Variants in NT5C3A observed in about 807,000 individuals in gnomAD.
NT5C3A encodes the protein 5'-nucleotidase, cytosolic IIIA.
In NT5C3A, 23 loss-of-function variants were observed where a neutral mutation model predicts 40.0. The ratio of observed to expected loss-of-function variants is 0.58; its 90% CI spans 0.41 to 0.81. The LOEUF is 0.81. Among genes scored for constraint, NT5C3A ranks in the 40% least tolerant of loss-of-function variants. The probability of loss-of-function intolerance (pLI) is 0.00; values close to 1 mark genes in which losing one functional copy is unlikely to be tolerated. For synonymous variants in NT5C3A, 130 were observed against 141.4 expected (o/e 0.92, Z 0.57); for missense variants, 328 against 403.0 (o/e 0.81, Z 1.59).
At chr7:33,062,276 A>C (rs987975897) in intron 1 of NT5C3A, among the ~76,000 whole-genome samples, 1 of 152,144 alleles carries the variant, frequency 6.6e-6, no homozygotes, top group South Asian at 2.1e-4. Context: ...CCTGTGTCCG[A>C]TTCATCTATT....
At chr7:33,060,661 C>T (rs922424380) in intron 1 of NT5C3A, among the ~76,000 whole-genome samples, 5 of 152,118 alleles carry the variant, frequency 3.3e-5, no homozygotes, top group Admixed American at 1.3e-4. Context: ...GTAGTTAACT[C>T]CGTTAGCTGT....
chr7:33,017,330 T>G (rs1785388177), intron 7 of NT5C3A, 109 bp downstream of exon 7: 1 of 824,400 alleles, frequency 1.2e-6, no homozygotes, highest in South Asian at 1.8e-5. Context: ...GCCTATCGGC[T>G]TGGCCTAATT....
chr7:33,023,147 A>G (rs1054880793), intron 3 of NT5C3A, among the ~76,000 whole-genome samples: 9 of 152,026 alleles, frequency 5.9e-5, no homozygotes. Context: ...CCTGGGCTCA[A>G]GTGATTATTC....
chr7:33,062,313 C>A (rs1787810054), intron 1 of NT5C3A, among the ~76,000 whole-genome samples: 1 of 152,230 alleles, frequency 6.6e-6, no homozygotes, highest in South Asian at 2.1e-4. Context: ...CAAACGGAAA[C>A]CTAACAAAGA....
At chr7:33,049,140 T>C (rs1358218287) in intron 1 of NT5C3A, among the ~76,000 whole-genome samples, 2 of 152,160 alleles carry the variant, frequency 1.3e-5, no homozygotes, top group Admixed American at 6.6e-5. Context: ...ATAATTACTT[T>C]AAAACATCAA....
intron 8 of NT5C3A, 143 bp downstream of exon 8, chr7:33,015,527 C>CGT: frequency 1.6e-6 from 1 of 624,372 alleles, no homozygotes; most frequent in South Asian, 2.0e-5. Flanking sequence ...TGCATCACTA[C>CGT]ACTCTAGCCT....
rs1183983389 is a variant in NT5C3A at position 33,022,040 on chromosome 7, TGTTA to T, written c.354+9_354+12del. ...AAGTCTTTGAGTGACTATAGATTGT[TGTTA>T]GTGTTTACCTTTTTTCTACATTCAT... On this transcript the variant is annotated intron_variant, in intron 4 of 8. Transcript: ENST00000610140. 2 of 1,440,614 alleles carry T rather than the reference TGTTA, an allele frequency of 1.4e-6. No individual in the cohort carries two copies. The highest frequency in any genetic ancestry group is 2.0e-6 in the Non-Finnish European group (2 of 1,023,234). The allele number at this position is 1,440,614 out of a possible 1,614,324, so 89.2% of individuals were successfully genotyped here. A position where few individuals can be genotyped will look rare whatever the true frequency, so the allele number is the denominator to read the frequency against.
At chr7:33,040,986 A>G (rs1044831583) in intron 1 of NT5C3A, 6 of 985,380 alleles carry the variant, frequency 6.1e-6, no homozygotes, top group East Asian at 1.1e-4. Flanking sequence ...ACTAAGCCCT[A>G]TGCAAAAACC....
intron 1 of NT5C3A, among the ~76,000 whole-genome samples, chr7:33,038,478 T>C (rs957819284): frequency 6.6e-6 from 1 of 151,788 alleles, no homozygotes; most frequent in East Asian, 1.9e-4. Context: ...GATAAGAAAT[T>C]TGATGGCCAA....
chr7:33,027,185 T>A (rs1280699982), intron 1 of NT5C3A, among the ~76,000 whole-genome samples: 1 of 152,164 alleles, frequency 6.6e-6, no homozygotes, highest in East Asian at 1.9e-4. Context: ...TCCTCCCATC[T>A]CAGCCTCCTG....
At chr7:33,034,259 A>T (rs567906342) in intron 1 of NT5C3A, among the ~76,000 whole-genome samples, 1 of 152,136 alleles carries the variant, frequency 6.6e-6, no homozygotes, top group South Asian at 2.1e-4. Flanking sequence ...AATAATAGTT[A>T]AAAAAAATCT....
intron 1 of NT5C3A, among the ~76,000 whole-genome samples, chr7:33,061,474 G>C (rs1787772850): frequency 6.6e-6 from 1 of 152,008 alleles, no homozygotes; most frequent in East Asian, 1.9e-4. Context: ...TTATAACCTT[G>C]AACTCCCAGA....
At chr7:33,021,830 A>G (rs1254752933) in intron 4 of NT5C3A, 3 of 524,198 alleles carry the variant, frequency 5.7e-6, no homozygotes, top group East Asian at 3.2e-5. Flanking sequence ...AGTTTTAAAT[A>G]TAAGTTTTGT....
chr7:33,017,000 T>C (rs1291587917), intron 7 of NT5C3A, among the ~76,000 whole-genome samples: 1 of 151,854 alleles, frequency 6.6e-6, no homozygotes, highest in East Asian at 1.9e-4. Context: ...CTGGCCAACA[T>C]GGTGAAACCC....
intron 1 of NT5C3A, among the ~76,000 whole-genome samples, chr7:33,042,015 T>A (rs1163196553): frequency 1.3e-5 from 2 of 152,102 alleles, no homozygotes; most frequent in African/African-American, 2.4e-5. Flanking sequence ...ATGAAAAAAA[T>A]TTTAAATTGC....
chr7:33,016,478 G>A (rs184506219), intron 7 of NT5C3A, among the ~76,000 whole-genome samples: 21 of 150,988 alleles, frequency 1.4e-4, no homozygotes, highest in African/African-American at 4.9e-4. Context: ...AGACCATCCT[G>A]ACCAACATGG....
chr7:33,042,447 C>T (rs1416071078), intron 1 of NT5C3A, among the ~76,000 whole-genome samples: 1 of 152,094 alleles, frequency 6.6e-6, no homozygotes, highest in Admixed American at 6.5e-5. Flanking sequence ...TAATAAAATT[C>T]ATAATGAAAC....
At chr7:33,022,956 C>T (rs1303260181) in intron 3 of NT5C3A, among the ~76,000 whole-genome samples, 1 of 146,864 alleles carries the variant, frequency 6.8e-6, no homozygotes, top group Non-Finnish European at 1.5e-5. Context: ...CTTGTTTTGT[C>T]ATCCAGGCTG....
chr7:33,058,939 C>T (rs998237772), intron 1 of NT5C3A, among the ~76,000 whole-genome samples: 6 of 152,192 alleles, frequency 3.9e-5, no homozygotes, highest in Non-Finnish European at 8.8e-5. Flanking sequence ...CCCACTGCTA[C>T]CATAGCCTTT....
Sources: allele counts gnomAD v4.1 joint callset (sites outside exome capture counted in the v4.1 genomes callset), GRCh38; gene constraint gnomAD v4.1.1; transcripts MANE v1.5; gene names NCBI Gene and HGNC (gene_info 2026-07-23, HGNC 2026-07-21).